Variants in ASIC2 observed in about 807,000 individuals in gnomAD.
The protein encoded by ASIC2 is acid-sensing ion channel 2.
ASIC2 carries 25 observed loss-of-function variants against 57.3 expected under a neutral mutation model. The ratio of observed to expected loss-of-function variants is 0.44; its 90% CI spans 0.32 to 0.61. The LOEUF (loss-of-function observed/expected upper bound fraction) is 0.61, where lower values mean the gene tolerates loss of function less well. Among genes scored for constraint, ASIC2 ranks in the 20% least tolerant of loss-of-function variants. ASIC2 has a pLI of 0.06. For missense variants in ASIC2, 641 were observed against 738.1 expected, an observed-to-expected ratio of 0.87 and a Z score of 1.52; for synonymous variants, 319 against 307.5, an observed-to-expected ratio of 1.04 and a Z score of -0.39.
intron 1 of ASIC2, among the ~76,000 whole-genome samples, chr17:33,864,335 A>T (rs1914176539): frequency 6.6e-6 from 1 of 152,226 alleles, no homozygotes; most frequent in Admixed American, 6.5e-5. Context: ...ATAATAGCGT[A>T]GGAAGCATGC....
chr17:33,183,837 G>A (rs1906082749), intron 1 of ASIC2, among the ~76,000 whole-genome samples: 1 of 152,108 alleles, frequency 6.6e-6, no homozygotes, highest in Non-Finnish European at 1.5e-5. Context: ...ATAATAATTG[G>A]TTAGCGGTAG....
chr17:34,107,700 C>G (rs906455342), intron 1 of ASIC2, among the ~76,000 whole-genome samples: 1 of 152,190 alleles, frequency 6.6e-6, no homozygotes, highest in Non-Finnish European at 1.5e-5. Flanking sequence ...AAGTTGTGTT[C>G]ATAAGGTACT....
chr17:33,238,058 T>C (rs319762), intron 1 of ASIC2, among the ~76,000 whole-genome samples: 118,172 of 152,244 alleles, frequency 0.78, 46,511 homozygotes, highest in African/African-American at 0.89. Flanking sequence ...GTTCCGAAGC[T>C]AGAGCCACTC....
intron 1 of ASIC2, among the ~76,000 whole-genome samples, chr17:33,255,703 G>A (rs1995100): frequency 0.6 from 90,533 of 151,904 alleles, 28,250 homozygotes; most frequent in African/African-American, 0.79. Flanking sequence ...TAAATTCTCA[G>A]AAATCAAATA....
chr17:33,326,092 C>A (rs1025807993), intron 1 of ASIC2, among the ~76,000 whole-genome samples: 3 of 152,328 alleles, frequency 2.0e-5, no homozygotes, highest in South Asian at 2.1e-4. Flanking sequence ...TGGTCTAAAT[C>A]TTGGCAGCAA....
At chr17:33,486,931 C>T (rs1210707811) in intron 1 of ASIC2, among the ~76,000 whole-genome samples, 2 of 152,186 alleles carry the variant, frequency 1.3e-5, no homozygotes, top group African/African-American at 2.4e-5. Flanking sequence ...TGGAGATGCG[C>T]AGCACCCAAC....
chr17:33,886,336 A>G lies in ASIC2; in HGVS notation c.555+269642T>C, dbSNP rs1218948992. Among the ~76,000 whole-genome samples, 6 of 152,260 alleles carry G rather than the reference A, an allele frequency of 3.9e-5. No individual in the cohort carries two copies. In the East Asian group the frequency reaches 1.2e-3, roughly 29 times the overall value. On this transcript the variant is annotated intron_variant, in intron 1 of 9. Coordinates refer to the ASIC2 transcript ENST00000359872. ...TTGATGTCAGGGGGCAGGGAAGGTAACATTCTTCCAGAGAGGGATTCCGAT... is the reference window on the plus strand; with the variant it reads ...TTGATGTCAGGGGGCAGGGAAGGTAGCATTCTTCCAGAGAGGGATTCCGAT...
rs73273978 is a variant in ASIC2 at position 33,023,776 on chromosome 17, A to G, written c.1349+85T>C. 1,479 of 1,557,708 alleles carry G rather than the reference A, an allele frequency of 9.5e-4. 11 individuals are homozygous for G. In the African/African-American group the frequency reaches 0.016, roughly 17 times the overall value. ...GTTTGCTAACTTGAACCAAATGCTT[A>G]TCTTTGCTTTCCTCCTTGATTGCCT... On this transcript the variant is annotated intron_variant, in intron 6 of 9. Coordinates refer to ENST00000225823, the MANE Select transcript of ASIC2 (RefSeq NM_183377.2).
intron 1 of ASIC2, among the ~76,000 whole-genome samples, chr17:33,559,157 A>G (rs916246399): frequency 2.0e-5 from 3 of 152,192 alleles, no homozygotes; most frequent in African/African-American, 7.2e-5. Flanking sequence ...GAACTCCAGT[A>G]TCTTCTAGCA....
intron 1 of ASIC2, among the ~76,000 whole-genome samples, chr17:33,144,069 T>C (rs1451135987): frequency 6.6e-6 from 1 of 152,106 alleles, no homozygotes; most frequent in Non-Finnish European, 1.5e-5. Flanking sequence ...AAGACCCTAC[T>C]TTCCTGAGCC....
chr17:33,296,588 G>C (rs1430809212), upstream of ASIC2, among the ~76,000 whole-genome samples: 2 of 152,142 alleles, frequency 1.3e-5, no homozygotes, highest in Non-Finnish European at 2.9e-5. Flanking sequence ...CACCATGCCT[G>C]GTGTTCTGGC....
intron 1 of ASIC2, among the ~76,000 whole-genome samples, chr17:33,376,549 A>G (rs916810211): frequency 7.9e-5 from 12 of 152,206 alleles, no homozygotes; most frequent in Admixed American, 7.2e-4. Flanking sequence ...TGTTTTATGC[A>G]TATCAACACA....
At chr17:33,419,933 C>A (rs1345987275) in intron 1 of ASIC2, among the ~76,000 whole-genome samples, 3 of 151,890 alleles carry the variant, frequency 2.0e-5, no homozygotes, top group Non-Finnish European at 2.9e-5. Context: ...TTCACAGACA[C>A]AAGTGTCTAT....
intron 1 of ASIC2, among the ~76,000 whole-genome samples, chr17:33,192,446 AAACAAAACAC>A (rs1442809480): frequency 2.2e-5 from 3 of 138,306 alleles, no homozygotes; most frequent in South Asian, 2.3e-4. Flanking sequence ...AAACAAAACA[AAACAAAACAC>A]AACCAAAAAA....
chr17:33,515,707 C>T (rs778764799), intron 1 of ASIC2, among the ~76,000 whole-genome samples: 15 of 152,208 alleles, frequency 9.9e-5, no homozygotes, highest in South Asian at 2.1e-4. Context: ...TAGCCCTGCC[C>T]GTGGCTCCTA....
chr17:33,505,867 G>A lies in ASIC2; in HGVS notation c.556-393800C>T, dbSNP rs1348824350. Among the ~76,000 whole-genome samples the A allele has an allele frequency of 2.0e-5, 3 of 152,300 alleles. No individual in the cohort carries two copies. The East Asian group carries it at 5.8e-4, about 29-fold the overall frequency. On this transcript the variant is annotated intron_variant, in intron 1 of 9. Coordinates refer to the ASIC2 transcript ENST00000359872. ...AAAGCCTGGCTACCCCAGCACCAGGGTGAGCAGCTCTCATAACTCATTATC... is the reference window on the plus strand; with the variant it reads ...AAAGCCTGGCTACCCCAGCACCAGGATGAGCAGCTCTCATAACTCATTATC...
At chr17:33,882,042 A>G (rs571152022) in intron 1 of ASIC2, among the ~76,000 whole-genome samples, 242 of 152,350 alleles carry the variant, frequency 1.6e-3, no homozygotes, top group African/African-American at 5.7e-3. Flanking sequence ...GGTGCTGGGA[A>G]AACTGGCTAG....
chr17:33,656,968 G>A (rs1299535178), intron 1 of ASIC2, among the ~76,000 whole-genome samples: 1 of 152,192 alleles, frequency 6.6e-6, no homozygotes, highest in African/African-American at 2.4e-5. Context: ...TCTGAACATG[G>A]GCTGAGAACC....
intron 1 of ASIC2, among the ~76,000 whole-genome samples, chr17:33,781,467 T>C (rs1265013092): frequency 1.3e-5 from 2 of 152,006 alleles, no homozygotes; most frequent in South Asian, 4.2e-4. Flanking sequence ...GAGGCAGACA[T>C]AGAGGGGTGA....
Sources: gnomAD v4.1 joint callset for allele counts (sites outside exome capture counted in the v4.1 genomes callset) on GRCh38, gnomAD v4.1.1 for gene constraint, MANE v1.5 for transcripts, NCBI Gene and HGNC (gene_info 2026-07-23, HGNC 2026-07-21) for gene names.